Variants in AKAP6 observed in about 807,000 individuals in gnomAD.
AKAP6 encodes A-kinase anchor protein 6.
A neutral mutation model predicts 188.5 loss-of-function variants in AKAP6; 58 were observed. The observed-to-expected ratio is 0.31, with a 90% CI of 0.25 to 0.38. AKAP6 has a LOEUF of 0.38. AKAP6 is among the 10% of genes least tolerant of loss of function. The probability of loss-of-function intolerance (pLI) is 1.00; values close to 1 mark genes in which losing one functional copy is unlikely to be tolerated. For missense variants in AKAP6, 2,710 were observed against 2,740.0 expected (o/e 0.99, Z 0.24); for synonymous variants, 989 against 998.6 (o/e 0.99, Z 0.18).
In AKAP6 at chr14:32,377,752, T is replaced by C. The variant is rs183913746; in HGVS notation, c.-35+48344T>C. 1.8e-3 allele frequency among the ~76,000 whole-genome samples: 279 copies of C among 152,314 alleles called. 2 individuals carry two copies. The highest frequency in any genetic ancestry group is 6.4e-3 in the African/African-American group (267 of 41,572). ...TGAGTTCAGAGGGCTCTGTAGGAGT[T>C]TTATTAACTTACAATACTTGTTTAA... On this transcript the variant is annotated intron_variant, in intron 1 of 13. Transcript: ENST00000280979.
chr14:32,550,561 C>G (rs567541592), intron 4 of AKAP6, among the ~76,000 whole-genome samples: 1 of 152,196 alleles, frequency 6.6e-6, no homozygotes, highest in Non-Finnish European at 1.5e-5. Context: ...AGCGCTCTCC[C>G]GCATGCTCTC....
chr14:32,688,247 G>A (rs2139672267), intron 8 of AKAP6, among the ~76,000 whole-genome samples: 1 of 152,048 alleles, frequency 6.6e-6, no homozygotes, highest in East Asian at 1.9e-4. Flanking sequence ...AAAGGAGAAA[G>A]TTGCCGACAC....
At chr14:32,718,284 T>A (rs1431147840) in intron 9 of AKAP6, 1 of 985,232 alleles carries the variant, frequency 1.0e-6, no homozygotes, top group Middle Eastern at 5.2e-4. Context: ...TCCATTGAAA[T>A]GACAGTCAAG....
At chr14:32,393,915 TA>T (rs1320031722) in intron 1 of AKAP6, among the ~76,000 whole-genome samples, 1 of 152,028 alleles carries the variant, frequency 6.6e-6, no homozygotes, top group Non-Finnish European at 1.5e-5. Flanking sequence ...ATAATAGAAT[TA>T]GGGGTAGAAA....
chr14:32,657,600 TTTG>T (rs1888508579), intron 7 of AKAP6, among the ~76,000 whole-genome samples: 1 of 152,160 alleles, frequency 6.6e-6, no homozygotes, highest in Admixed American at 6.6e-5. Context: ...TACTAGAGAC[TTTG>T]TTGTTTTTAA....
At chr14:32,675,565 T>A (rs988087202) in intron 7 of AKAP6, among the ~76,000 whole-genome samples, 2 of 152,334 alleles carry the variant, frequency 1.3e-5, no homozygotes, top group South Asian at 4.1e-4. Context: ...AGATTTAGAC[T>A]GGCAAAGCCA....
intron 12 of AKAP6, among the ~76,000 whole-genome samples, chr14:32,775,709 G>A (rs1194818222): frequency 1.3e-5 from 2 of 152,114 alleles, no homozygotes; most frequent in African/African-American, 4.8e-5. Flanking sequence ...GGTTGCAGGT[G>A]TAAGCCACTG....
intron 1 of AKAP6, among the ~76,000 whole-genome samples, chr14:32,418,911 T>C (rs981840762): frequency 6.6e-6 from 1 of 152,196 alleles, no homozygotes; most frequent in Non-Finnish European, 1.5e-5. Flanking sequence ...TAGTTTCCAC[T>C]AGAAAATACG....
At chr14:32,375,158 G>T (rs900745082) in intron 1 of AKAP6, among the ~76,000 whole-genome samples, 1 of 152,202 alleles carries the variant, frequency 6.6e-6, no homozygotes, top group African/African-American at 2.4e-5. Context: ...TCACCCAAAT[G>T]TGGGGAGGGA....
chr14:32,551,571 CA>C (rs1184190008), intron 4 of AKAP6, among the ~76,000 whole-genome samples: 813 of 50,982 alleles, frequency 0.016, 4 homozygotes, highest in African/African-American at 0.041. Context: ...GACTTGGTCT[CA>C]AAAAAAAAAA....
intron 2 of AKAP6, among the ~76,000 whole-genome samples, chr14:32,453,876 C>T (rs550646568): frequency 6.6e-6 from 1 of 152,060 alleles, no homozygotes; most frequent in Non-Finnish European, 1.5e-5. Context: ...TGAGCCACTG[C>T]GCCCGGCCGA....
intron 2 of AKAP6, among the ~76,000 whole-genome samples, chr14:32,503,802 G>T (rs1038286722): frequency 8.6e-5 from 13 of 151,822 alleles, no homozygotes; most frequent in Admixed American, 6.6e-5. Flanking sequence ...TTTAATATTT[G>T]CTAGACTAGG....
chr14:32,356,524 G>A (rs1481810430), intron 1 of AKAP6, among the ~76,000 whole-genome samples: 1 of 152,060 alleles, frequency 6.6e-6, no homozygotes, highest in Non-Finnish European at 1.5e-5. Flanking sequence ...TAATACTGCT[G>A]CCAGAATAAT....
chr14:32,821,602 G>A lies in AKAP6; in HGVS notation c.3789G>A (p.Glu1263=). 1 of 1,613,622 alleles carries A rather than the reference G, an allele frequency of 6.2e-7. No individual in the cohort carries two copies. The highest frequency in any genetic ancestry group is 1.3e-5 in the African/African-American group (1 of 74,920). ...GTAATGAGGACCCTGGTTATGACGA[G>A]GAGGCTGATAACCATGGGGGATCTC... is the stretch of plus-strand genomic sequence containing the variant. ...ETSNEDPGYD[E]EADNHGGSQY... The change falls in exon 13 of 14, where the codon GAG becomes GAA. Residue 1263 remains glutamate, a synonymous_variant. Transcript: ENST00000280979.
chr14:32,577,015 T>A (rs1222143414), intron 4 of AKAP6, 105 bp from the exon 5 acceptor site: 2 of 1,337,186 alleles, frequency 1.5e-6, no homozygotes, highest in Admixed American at 5.1e-5. Flanking sequence ...GGGATCGATT[T>A]GATCATGGAT....
chr14:32,671,069 A>G lies in AKAP6; in HGVS notation c.2731-7242A>G, dbSNP rs564891808. Among the ~76,000 whole-genome samples the G allele has an allele frequency of 1.6e-4, 25 of 152,306 alleles. No individual in the cohort carries two copies. The South Asian group carries it at 3.9e-3, about 24-fold the overall frequency. On this transcript the variant is annotated intron_variant, in intron 7 of 13. Transcript: ENST00000280979. Reference sequence around the variant, plus strand: ...AAGATGGACAATATAAAAAAAAGTGACATGTTCAGCTACATGTGATAAGTA... The same window carrying G: ...AAGATGGACAATATAAAAAAAAGTGGCATGTTCAGCTACATGTGATAAGTA...
At chr14:32,458,487 A>G (rs1891217145) in intron 2 of AKAP6, among the ~76,000 whole-genome samples, 3 of 152,150 alleles carry the variant, frequency 2.0e-5, no homozygotes, top group South Asian at 4.1e-4. Flanking sequence ...AAGTTTTCCT[A>G]TATTATTTGT....
At chr14:32,613,511 T>C (rs1886436473) in intron 7 of AKAP6, among the ~76,000 whole-genome samples, 1 of 152,210 alleles carries the variant, frequency 6.6e-6, no homozygotes, top group African/African-American at 2.4e-5. Context: ...GTCTCATTTC[T>C]TTTCTTCTTT....
chr14:32,526,456 C>T (rs1490268212), intron 2 of AKAP6, among the ~76,000 whole-genome samples: 2 of 152,172 alleles, frequency 1.3e-5, no homozygotes. Context: ...TGGTCTCAAA[C>T]TCATGAACTC....
Sources: gnomAD v4.1 joint callset for allele counts (sites outside exome capture counted in the v4.1 genomes callset) on GRCh38, gnomAD v4.1.1 for gene constraint, MANE v1.5 for transcripts, NCBI Gene and HGNC (gene_info 2026-07-23, HGNC 2026-07-21) for gene names.